The following ADAMTSL3 variants were observed in gnomAD, a reference collection of about 807,000 sequenced individuals.
ADAMTSL3 encodes the protein ADAMTS-like protein 3.
In ADAMTSL3, 128 loss-of-function variants were observed where a neutral mutation model predicts 201.7. That is an observed-to-expected ratio of 0.63 (90% confidence interval 0.55 to 0.73). The LOEUF (loss-of-function observed/expected upper bound fraction) is 0.73, where lower values mean the gene tolerates loss of function less well. Among genes scored for constraint, ADAMTSL3 ranks in the 30% least tolerant of loss-of-function variants. ADAMTSL3 has a pLI of 0.00. For synonymous variants in ADAMTSL3, 738 were observed against 748.4 expected, an observed-to-expected ratio of 0.99 and a Z score of 0.23; for missense variants, 1,990 against 2,119.6, an observed-to-expected ratio of 0.94 and a Z score of 1.20.
At chr15:83,822,880 G>A (rs368033029) in intron 6 of ADAMTSL3, among the ~76,000 whole-genome samples, 7 of 151,910 alleles carry the variant, frequency 4.6e-5, no homozygotes, top group Admixed American at 2.6e-4. Flanking sequence ...CCGAGATCAC[G>A]CCACTGCACT....
chr15:83,898,266 G>A (rs1051350507), intron 14 of ADAMTSL3, among the ~76,000 whole-genome samples: 3 of 151,974 alleles, frequency 2.0e-5, no homozygotes, highest in Non-Finnish European at 4.4e-5. Flanking sequence ...CTTGGTGGAC[G>A]TAAGAAAATT....
At chr15:83,750,664 G>T (rs948420360) in intron 3 of ADAMTSL3, among the ~76,000 whole-genome samples, 5 of 152,036 alleles carry the variant, frequency 3.3e-5, no homozygotes, top group Non-Finnish European at 1.5e-5. Context: ...TGATTCTCCT[G>T]CCTCAGCCTC....
At chr15:83,897,734 T>G in intron 13 of ADAMTSL3, 124 bp from the exon 14 acceptor site, 1 of 1,106,300 alleles carries the variant, frequency 9.0e-7, no homozygotes, top group Non-Finnish European at 1.2e-6. Flanking sequence ...TACATAATAT[T>G]TGTCTAAAAG....
chr15:83,922,929 T>G (rs983752557), intron 16 of ADAMTSL3, among the ~76,000 whole-genome samples: 1 of 152,234 alleles, frequency 6.6e-6, no homozygotes, highest in Non-Finnish European at 1.5e-5. Flanking sequence ...ACAGTTTGTT[T>G]GTGACTTTTT....
intron 17 of ADAMTSL3, among the ~76,000 whole-genome samples, chr15:83,926,806 G>A (rs756594704): frequency 6.6e-6 from 1 of 152,010 alleles, no homozygotes; most frequent in Admixed American, 6.6e-5. Flanking sequence ...TAGTAGAGAT[G>A]GGGTTTCACC....
chr15:84,025,187 T>C (rs747428669), intron 26 of ADAMTSL3, 51 bp from the exon 27 acceptor site: 7 of 1,496,326 alleles, frequency 4.7e-6, no homozygotes, highest in African/African-American at 1.4e-5. Flanking sequence ...ACGCCCCCTC[T>C]AAGATCTGGC....
At chr15:83,997,582 T>A (rs2067711039) in intron 23 of ADAMTSL3, among the ~76,000 whole-genome samples, 1 of 152,022 alleles carries the variant, frequency 6.6e-6, no homozygotes, top group Non-Finnish European at 1.5e-5. Context: ...AGAATAAGAC[T>A]CCGTCTCAAA....
At chr15:83,910,229 T>C (rs1161639407) in intron 15 of ADAMTSL3, among the ~76,000 whole-genome samples, 3 of 152,168 alleles carry the variant, frequency 2.0e-5, no homozygotes, top group African/African-American at 7.2e-5. Context: ...ATATTCTTTT[T>C]AAGTTCTTCC....
At chr15:83,704,978 G>GTC (rs1261118086) in intron 3 of ADAMTSL3, among the ~76,000 whole-genome samples, 1 of 151,770 alleles carries the variant, frequency 6.6e-6, no homozygotes, top group African/African-American at 2.4e-5. Context: ...GTGTGTGTGT[G>GTC]TGTGTGTGTG....
chr15:84,019,599 G>A (rs1481099503), intron 25 of ADAMTSL3, among the ~76,000 whole-genome samples: 2 of 152,028 alleles, frequency 1.3e-5, no homozygotes, highest in East Asian at 1.9e-4. Context: ...GCTAAGCAAC[G>A]TAGGAAACCA....
chr15:83,706,874 G>A (rs1469723510), intron 3 of ADAMTSL3, among the ~76,000 whole-genome samples: 1 of 151,094 alleles, frequency 6.6e-6, no homozygotes, highest in Admixed American at 6.6e-5. Context: ...TTGCTATGTT[G>A]ACCAGGTTGG....
chr15:83,922,776 C>T (rs1463081338), intron 16 of ADAMTSL3, among the ~76,000 whole-genome samples: 6 of 152,124 alleles, frequency 3.9e-5, no homozygotes, highest in African/African-American at 1.2e-4. Context: ...GCCAATACTA[C>T]ATCCTGTAAA....
chr15:83,991,585 T>C (rs1398348930), intron 23 of ADAMTSL3, among the ~76,000 whole-genome samples: 1 of 152,180 alleles, frequency 6.6e-6, no homozygotes, highest in Non-Finnish European at 1.5e-5. Context: ...AGGGGATTTG[T>C]GGGAAATTGT....
chr15:83,687,130 G>A (rs1023554647), intron 2 of ADAMTSL3, among the ~76,000 whole-genome samples: 1 of 152,146 alleles, frequency 6.6e-6, no homozygotes, highest in Non-Finnish European at 1.5e-5. Context: ...CTTGAGCCCA[G>A]GAGTTTGAAG....
At chr15:83,684,011 G>A (rs943454606) in intron 2 of ADAMTSL3, among the ~76,000 whole-genome samples, 6 of 152,034 alleles carry the variant, frequency 3.9e-5, no homozygotes, top group South Asian at 2.1e-4. Context: ...ATATGTCCCC[G>A]GCTAAAAACT....
chr15:83,706,172 G>A (rs894973749), intron 3 of ADAMTSL3, among the ~76,000 whole-genome samples: 12 of 152,162 alleles, frequency 7.9e-5, no homozygotes, highest in Non-Finnish European at 1.2e-4. Flanking sequence ...TGAGAGGGCC[G>A]TAAAGGATAA....
chr15:83,828,987 C>CT (rs199875192), intron 6 of ADAMTSL3, among the ~76,000 whole-genome samples: 15,354 of 152,134 alleles, frequency 0.1, 991 homozygotes, highest in East Asian at 0.32. Flanking sequence ...CTAAAATTCT[C>CT]TTTTTTGGTT....
At chr15:83,758,031 G>C (rs1438089859) in intron 3 of ADAMTSL3, among the ~76,000 whole-genome samples, 1 of 152,202 alleles carries the variant, frequency 6.6e-6, no homozygotes, top group Non-Finnish European at 1.5e-5. Flanking sequence ...TCTCTAGGAA[G>C]TTCCAAACTT....
chr15:83,828,004 C>CT (rs1395059325), intron 6 of ADAMTSL3, among the ~76,000 whole-genome samples: 5 of 152,156 alleles, frequency 3.3e-5, no homozygotes, highest in Non-Finnish European at 7.3e-5. Flanking sequence ...AATGCAGGCT[C>CT]TTTTTTGGTT....
Sources: allele counts gnomAD v4.1 joint callset (sites outside exome capture counted in the v4.1 genomes callset), GRCh38; gene constraint gnomAD v4.1.1; transcripts MANE v1.5; gene names NCBI Gene and HGNC (gene_info 2026-07-23, HGNC 2026-07-21).